The following ABLIM1 variants were observed in gnomAD, a reference collection of about 807,000 sequenced individuals.
The protein encoded by ABLIM1 is actin binding LIM protein 1.
ABLIM1 carries 40 observed loss-of-function variants against 107.0 expected under a neutral mutation model. That is an observed-to-expected ratio of 0.37 (90% confidence interval 0.29 to 0.49). ABLIM1 has a LOEUF of 0.49. ABLIM1 is among the 20% of genes least tolerant of loss of function. ABLIM1 has a pLI of 0.97. For missense variants in ABLIM1, 857 were observed against 1,008.5 expected, an observed-to-expected ratio of 0.85 and a Z score of 2.04; for synonymous variants, 357 against 357.3, an observed-to-expected ratio of 1.00 and a Z score of 0.01.
chr10:114,768,151 G>T (rs2082951379), upstream of ABLIM1: 1 of 309,998 alleles, frequency 3.2e-6, no homozygotes, highest in Non-Finnish European at 6.6e-6. Context: ...GCCCCGGAGC[G>T]CCCGCCCGGC....
At chr10:114,553,710 T>C (rs555530907) in intron 4 of ABLIM1, among the ~76,000 whole-genome samples, 1 of 152,210 alleles carries the variant, frequency 6.6e-6, no homozygotes, top group Non-Finnish European at 1.5e-5. Flanking sequence ...CAAGAGAAGC[T>C]TTTGATGTAT....
At chr10:114,698,016 C>T in intron 1 of ABLIM1, among the ~76,000 whole-genome samples, 1 of 114,530 alleles carries the variant, frequency 8.7e-6, no homozygotes, top group South Asian at 3.4e-4. Flanking sequence ...ATTAATCCCC[C>T]ACATAGAAAT....
chr10:114,773,342 C>A, the ABLIM1 span, among the ~76,000 whole-genome samples: 1 of 152,012 alleles, frequency 6.6e-6, no homozygotes, highest in Non-Finnish European at 1.5e-5. Flanking sequence ...AGCCTAGGAA[C>A]AAAACAGATT....
chr10:114,721,147 T>C (rs1353001351), intron 1 of ABLIM1, among the ~76,000 whole-genome samples: 1 of 152,200 alleles, frequency 6.6e-6, no homozygotes, highest in African/African-American at 2.4e-5. Flanking sequence ...CTTTACAAAG[T>C]CTGGTTTGGT....
intron 1 of ABLIM1, among the ~76,000 whole-genome samples, chr10:114,701,035 G>A (rs1340702273): frequency 6.6e-6 from 1 of 151,928 alleles, no homozygotes; most frequent in Non-Finnish European, 1.5e-5. Context: ...AAAACATAAA[G>A]CAGACATATA....
At chr10:114,586,463 G>A (rs2074204869) in intron 2 of ABLIM1, among the ~76,000 whole-genome samples, 1 of 152,182 alleles carries the variant, frequency 6.6e-6, no homozygotes, top group Admixed American at 6.5e-5. Flanking sequence ...TAAAAAAGTA[G>A]ATAGGATTAG....
In ABLIM1 at chr10:114,439,242, T is replaced by C; in HGVS notation, c.2076A>G (p.Pro692=). ...TTCTCATTGCAGGCATGTGGCCATC[T>C]GGGAGTGTCTGCAACAGAAATGCCA... ...SGGVRDYQTL[P]DGHMPAMRMD... Residue 692 remains proline (P), a synonymous_variant, in exon 21 of 23, where the codon CCA becomes CCG. Coordinates refer to ENST00000533213, the MANE Select transcript of ABLIM1 (RefSeq NM_002313.7). 1 of 1,614,222 alleles carries C rather than the reference T, an allele frequency of 6.2e-7. No homozygotes were observed. Among genetic ancestry groups the C allele is most frequent in the Non-Finnish European group, 8.5e-7 (1 of 1,180,024 alleles).
At chr10:114,798,404 A>G in the ABLIM1 span, among the ~76,000 whole-genome samples, 1 of 151,198 alleles carries the variant, frequency 6.6e-6, no homozygotes, top group Non-Finnish European at 1.5e-5. Context: ...AGACTGGGCG[A>G]CAAAGCAAGA....
At chr10:114,563,568 C>G (rs1053229524) in intron 4 of ABLIM1, among the ~76,000 whole-genome samples, 3 of 151,996 alleles carry the variant, frequency 2.0e-5, no homozygotes, top group Admixed American at 6.6e-5. Flanking sequence ...GGACTGGTGG[C>G]TAATGCCTGT....
intron 1 of ABLIM1, among the ~76,000 whole-genome samples, chr10:114,645,248 T>A (rs1591717434): frequency 6.6e-6 from 1 of 151,762 alleles, no homozygotes; most frequent in South Asian, 2.1e-4. Flanking sequence ...GATGGGGAGG[T>A]GGTAGATAAA....
chr10:114,564,575 A>T (rs2070374960), intron 4 of ABLIM1, among the ~76,000 whole-genome samples: 1 of 151,900 alleles, frequency 6.6e-6, no homozygotes, highest in Admixed American at 6.6e-5. Context: ...CCAGCATCCT[A>T]CATAGGTTTT....
rs548779148 is a variant in ABLIM1, at chr10:114,583,363, C to T, written c.380-7764G>A. 2.8e-4 allele frequency among the ~76,000 whole-genome samples: 39 copies of T among 139,586 alleles called. No individual in the cohort carries two copies. The East Asian group carries it at 9.2e-3, about 33-fold the overall frequency. The allele number at this position is 139,586 out of a possible 152,430, so 91.6% of individuals were successfully genotyped here. On this transcript the variant is annotated intron_variant, in intron 2 of 22. Coordinates refer to ENST00000533213, the MANE Select transcript of ABLIM1 (RefSeq NM_002313.7). ...AAAGTCAAAAAGAGACAACAACAAACAAACAAAAAAACAGATGCTCCAAGG... is the reference window on the plus strand; with the variant it reads ...AAAGTCAAAAAGAGACAACAACAAATAAACAAAAAAACAGATGCTCCAAGG...
chr10:114,649,607 A>G (rs2079154753), intron 1 of ABLIM1, among the ~76,000 whole-genome samples: 1 of 151,982 alleles, frequency 6.6e-6, no homozygotes, highest in Non-Finnish European at 1.5e-5. Flanking sequence ...GCTTTCTGAG[A>G]TTGAGAAAGG....
At chr10:114,601,454 C>CG (rs2075991630) in intron 2 of ABLIM1, among the ~76,000 whole-genome samples, 1 of 151,894 alleles carries the variant, frequency 6.6e-6, no homozygotes, top group South Asian at 2.1e-4. Context: ...TTAGTAGAGA[C>CG]GGGGTTTCAC....
In ABLIM1 at chr10:114,596,060, C is replaced by T. The variant is rs529569894; in HGVS notation, c.379+5767G>A. Among the ~76,000 whole-genome samples, 48 of 152,306 alleles carry T rather than the reference C, an allele frequency of 3.2e-4. No homozygotes were observed. In the South Asian group the frequency reaches 9.9e-3, roughly 32 times the overall value. ...TGGCAACTCCATCTATCTACCCAGGCAGCTCAGCTGGACATGTGGATCCCT... is the reference window on the plus strand; with the variant it reads ...TGGCAACTCCATCTATCTACCCAGGTAGCTCAGCTGGACATGTGGATCCCT... On this transcript the variant is annotated intron_variant, in intron 2 of 22. Transcript: ENST00000533213.
intron 6 of ABLIM1, among the ~76,000 whole-genome samples, chr10:114,518,534 T>C (rs1036389072): frequency 6.6e-6 from 1 of 151,590 alleles, no homozygotes; most frequent in East Asian, 2.0e-4. Flanking sequence ...AGGGAGTAAG[T>C]GGAGAATGTT....
chr10:114,472,088 G>C (rs982747047), intron 10 of ABLIM1, among the ~76,000 whole-genome samples: 2 of 152,088 alleles, frequency 1.3e-5, no homozygotes, highest in Non-Finnish European at 2.9e-5. Flanking sequence ...CAAGAGGACA[G>C]GTAGCAACAA....
intron 4 of ABLIM1, among the ~76,000 whole-genome samples, chr10:114,571,094 G>T (rs556591435): frequency 1.8e-4 from 27 of 152,242 alleles, no homozygotes; most frequent in African/African-American, 6.3e-4. Flanking sequence ...GTTTTGATTT[G>T]CATTTCCCTG....
intron 8 of ABLIM1, among the ~76,000 whole-genome samples, chr10:114,475,932 C>G (rs1032307341): frequency 1.2e-4 from 18 of 151,618 alleles, no homozygotes; most frequent in Admixed American, 1.3e-4. Flanking sequence ...ACCTTGCCTT[C>G]TCAGTAGTTT....
Sources: allele counts gnomAD v4.1 joint callset (sites outside exome capture counted in the v4.1 genomes callset), GRCh38; gene constraint gnomAD v4.1.1; transcripts MANE v1.5; gene names NCBI Gene and HGNC (gene_info 2026-07-23, HGNC 2026-07-21).